CDC37: variants seen among roughly 807,000 people sequenced by gnomAD.
CDC37 encodes the protein cell division cycle 37, HSP90 cochaperone.
Under a neutral mutation model 46.9 loss-of-function variants are expected in CDC37, and 9 were observed. That is an observed-to-expected ratio of 0.19 (90% CI 0.12 to 0.33). CDC37 has a LOEUF of 0.33. Ranked by LOEUF, CDC37 falls within the 10% of genes least tolerant of loss-of-function variation. The probability of loss-of-function intolerance (pLI) is 1.00; values close to 1 mark genes in which losing one functional copy is unlikely to be tolerated. For synonymous variants in CDC37, 193 were observed against 191.0 expected (o/e 1.01, Z -0.09); for missense variants, 388 against 514.6 (o/e 0.75, Z 2.38).
At chr19:10,399,418 C>A (rs28459177) in intron 1 of CDC37, among the ~76,000 whole-genome samples, 3 of 145,592 alleles carry the variant, frequency 2.1e-5, no homozygotes, top group African/African-American at 7.6e-5. Flanking sequence ...GAGCTGAGAT[C>A]GCCCCACTGC....
At chr19:10,400,481 CTGAGCTCAGCAGTT>C (rs2042513153) in intron 1 of CDC37, 1 of 152,096 alleles carries the variant, frequency 6.6e-6, no homozygotes, top group Non-Finnish European at 1.5e-5. Context: ...GGTGGATTGC[CTGAGCTCAGCAGTT>C]TGAGACCAGC....
Position 10,393,052 on chromosome 19 carries a change from C to G in CDC37, c.981+34G>C, listed in dbSNP as rs373619758. 6 of 1,596,976 alleles carry G rather than the reference C, an allele frequency of 3.8e-6. No individual in the cohort carries two copies. The highest frequency in any genetic ancestry group is 5.2e-6 in the Non-Finnish European group (6 of 1,164,738). On this transcript the variant is annotated intron_variant, in intron 7 of 7. Coordinates refer to ENST00000222005, the MANE Select transcript of CDC37 (RefSeq NM_007065.4). This position sits in a 1 kb window ranked among gnomAD's most constrained non-coding sequence, Gnocchi z 4.9. ...ACAGGGCTGGGGGAGACACACGGCC[C>G]GCCGGGAAGGCATGGGGCGCGGGGG...
In CDC37 at chr19:10,396,065, G is replaced by C; in HGVS notation, c.241C>G (p.Leu81Val). ...TGTGCCTCGGCCTGCAGGCGCTCCA[G>C]CTCTGCCTTGCCGCCCTCGGCCACC... ...LEVAEGGKAELERLQAEAQQL... is the reference protein window; with the variant it reads ...LEVAEGGKAEVERLQAEAQQL... Residue 81 changes from leucine to valine, a missense_variant, in exon 2 of 8, where the codon CTG becomes GTG. Leu to Val is a conservative substitution (Grantham distance 32). Transcript: ENST00000222005. This position sits in a 1 kb window ranked among gnomAD's most constrained non-coding sequence, Gnocchi z 5.9. The C allele has an allele frequency of 6.2e-7, 1 of 1,613,984 alleles. No homozygotes were observed.
rs1349160837 is a variant in CDC37, at chr19:10,391,547, C to T, written c.*4G>A. 6.2e-7 allele frequency: 1 copy of T among 1,614,176 alleles called. No homozygotes were observed. Among genetic ancestry groups the T allele is most frequent in the East Asian group, 2.2e-5 (1 of 44,882 alleles). On this transcript the variant is annotated 3_prime_UTR_variant, in exon 8 of 8. Coordinates refer to ENST00000222005, the MANE Select transcript of CDC37 (RefSeq NM_007065.4). Reference sequence around the variant, plus strand: ...AAGCAGGTGGCGGTGGTAGCTGGGGCAGGTCACACACTGACATCCTTCTCA... The same window carrying T: ...AAGCAGGTGGCGGTGGTAGCTGGGGTAGGTCACACACTGACATCCTTCTCA...
chr19:10,399,666 C>T (rs1232718951), intron 1 of CDC37, among the ~76,000 whole-genome samples: 3 of 150,976 alleles, frequency 2.0e-5, no homozygotes, highest in Admixed American at 6.6e-5. Context: ...GGTGTGGTGG[C>T]TCATGCCTGT....
At chr19:10,399,455 C>T (rs2042507034) in intron 1 of CDC37, among the ~76,000 whole-genome samples, 1 of 134,672 alleles carries the variant, frequency 7.4e-6, no homozygotes, top group South Asian at 2.4e-4. Context: ...CAGAGCATGA[C>T]CCTGTCTGAA....
chr19:10,402,872 G>A (rs2042527209), intron 1 of CDC37, among the ~76,000 whole-genome samples: 1 of 152,020 alleles, frequency 6.6e-6, no homozygotes, highest in Admixed American at 6.6e-5. Flanking sequence ...GGCGACTCCG[G>A]ATCTGAATGG....
chr19:10,401,671 T>C (rs2042519365), intron 1 of CDC37, among the ~76,000 whole-genome samples: 1 of 152,100 alleles, frequency 6.6e-6, no homozygotes, highest in Non-Finnish European at 1.5e-5. Context: ...GACTCAGGAT[T>C]TAAGGAATAG....
At position 10,395,924 on chromosome 19, in the gene CDC37, A is replaced by G. The variant is rs755055796; in HGVS notation, c.378+4T>C. 2 of 348,422 alleles carry G rather than the reference A, an allele frequency of 5.7e-6. No individual in the cohort carries two copies. The highest frequency in any genetic ancestry group is 1.1e-5 in the Non-Finnish European group (2 of 182,288). 21.6% of individuals were successfully genotyped at this position (348,422 alleles called of 1,614,324 possible). A position where few individuals can be genotyped will look rare whatever the true frequency, so the allele number is the denominator to read the frequency against. On this transcript the variant is annotated splice_donor_region_variant and intron_variant, in intron 2 of 7. Coordinates refer to ENST00000222005, the MANE Select transcript of CDC37 (RefSeq NM_007065.4). Reference sequence around the variant, plus strand: ...GCACTGCCCGCCCCGCCCGCCCCGCACACCTTGCTGAAGCCGTCTTTGCTG... The same window carrying G: ...GCACTGCCCGCCCCGCCCGCCCCGCGCACCTTGCTGAAGCCGTCTTTGCTG...
At chr19:10,394,981 G>A in intron 5 of CDC37, 40 bp downstream of exon 5, 1 of 1,509,308 alleles carries the variant, frequency 6.6e-7, no homozygotes, top group East Asian at 2.3e-5. Flanking sequence ...GGTTCCCTGG[G>A]GAGGGGGCCT....
Position 10,396,745 on chromosome 19 carries a change from ATTTTCAGTAAAGATGGGGT to A in CDC37, c.103-561_103-543del, listed in dbSNP as rs1411128836. Among the ~76,000 whole-genome samples, 2 of 151,720 alleles carry A rather than the reference ATTTTCAGTAAAGATGGGGT, an allele frequency of 1.3e-5. No individual in the cohort carries two copies. The highest frequency in any genetic ancestry group is 2.9e-5 in the Non-Finnish European group (2 of 67,936). On this transcript the variant is annotated intron_variant, in intron 1 of 7. Transcript: ENST00000222005. This position sits in a 1 kb window ranked among gnomAD's most constrained non-coding sequence, Gnocchi z 5.9. ...ACCAGCACGCCCAGCTAATTTTTGTATTTTCAGTAAAGATGGGGTTTGCCATGTTGCCCAGGCTGGTCTT... is the reference window on the plus strand; with the variant it reads ...ACCAGCACGCCCAGCTAATTTTTGTATTGCCATGTTGCCCAGGCTGGTCTT...
intron 1 of CDC37, among the ~76,000 whole-genome samples, chr19:10,399,367 G>T (rs911951706): frequency 2.7e-5 from 4 of 150,188 alleles, no homozygotes. Flanking sequence ...TACTCCAGAG[G>T]CTGAGGCAGA....
At chr19:10,403,229 G>A in intron 1 of CDC37, 149 bp downstream of exon 1, 1 of 644,334 alleles carries the variant, frequency 1.6e-6, no homozygotes, top group Non-Finnish European at 2.8e-6. Flanking sequence ...TGGTACTGGG[G>A]TCCCGGAGTT....
chr19:10,396,316 C>CA lies in CDC37; in HGVS notation c.103-114_103-113insT. ...CAGGAAAAAGTACGCGTCCACCTCC[C>CA]GTGCCCTGGTCTCCCAGCTTCCGCC... On this transcript the variant is annotated intron_variant, in intron 1 of 7. Coordinates refer to ENST00000222005, the MANE Select transcript of CDC37 (RefSeq NM_007065.4). This position sits in a 1 kb window ranked among gnomAD's most constrained non-coding sequence, Gnocchi z 5.9. 1 of 1,251,644 alleles carries CA rather than the reference C, an allele frequency of 8.0e-7. No individual in the cohort carries two copies. Among genetic ancestry groups the CA allele is most frequent in the Non-Finnish European group, 1.1e-6 (1 of 907,920 alleles). The allele number at this position is 1,251,644 out of a possible 1,614,324, so 77.5% of individuals were successfully genotyped here.
At chr19:10,395,836 C>T (rs1452670272) in intron 2 of CDC37, 92 bp downstream of exon 2, 2 of 1,286,662 alleles carry the variant, frequency 1.6e-6, no homozygotes, top group African/African-American at 3.0e-5. Context: ...CCACCGGGGT[C>T]CTCCCCTGAC....
intron 2 of CDC37, 78 bp downstream of exon 2, chr19:10,395,850 G>C: frequency 2.0e-6 from 3 of 1,510,578 alleles, no homozygotes; most frequent in Non-Finnish European, 2.7e-6. Flanking sequence ...CCCTGACCAG[G>C]CATTGGGTGC....
At position 10,395,450 on chromosome 19, in the gene CDC37, G is replaced by C; in HGVS notation, c.472C>G (p.Gln158Glu). 1 of 1,613,898 alleles carries C rather than the reference G, an allele frequency of 6.2e-7. No individual in the cohort carries two copies. The highest frequency in any genetic ancestry group is 8.5e-7 in the Non-Finnish European group (1 of 1,179,738). ...CCCCACTCACCAAAGTGCTTGATCTGTTTCTCGTATTTTTCCACGAAGGTC... is the reference window on the plus strand; with the variant it reads ...CCCCACTCACCAAAGTGCTTGATCTCTTTCTCGTATTTTTCCACGAAGGTC... The part of the protein sequence containing the change: ...HKTFVEKYEK[Q>E]IKHFGMLRRW... The change falls in exon 3 of 8, where the codon CAG becomes GAG. Residue 158 changes from glutamine (Q) to glutamate (E), a missense_variant. Around this residue, in one of 2 missense-constraint regions of CDC37, gnomAD observed 374 missense variants for 467.4 expected, o/e 0.80. Transcript: ENST00000222005.
intron 7 of CDC37, chr19:10,392,678 C>G (rs1324809362): frequency 4.6e-6 from 1 of 217,370 alleles, no homozygotes. Flanking sequence ...AGACTGCAGC[C>G]TGGGTGAGAG....
In CDC37 at chr19:10,398,920, C is replaced by T. The variant is rs543535586; in HGVS notation, c.103-2717G>A. 8.1e-4 allele frequency among the ~76,000 whole-genome samples: 124 copies of T among 152,248 alleles called. 1 individual carries two copies. The highest frequency in any genetic ancestry group is 2.8e-3 in the African/African-American group (115 of 41,552). On this transcript the variant is annotated intron_variant, in intron 1 of 7. Transcript: ENST00000222005. This position sits in a 1 kb window ranked among gnomAD's most constrained non-coding sequence, Gnocchi z 4.2. ...TCTGTGAAATGGAGTCTCACAGGAT[C>T]GCCGTGAGAACTGAATGACTAACTC...
Sources: allele counts gnomAD v4.1 joint callset (sites outside exome capture counted in the v4.1 genomes callset), GRCh38; gene constraint gnomAD v4.1.1; regional missense constraint gnomAD v4.1.1; non-coding constraint Gnocchi (gnomAD v3.1); transcripts MANE v1.5; gene names NCBI Gene and HGNC (gene_info 2026-07-23, HGNC 2026-07-21).